Variants in MLLT1 observed in about 807,000 individuals in gnomAD.
MLLT1 encodes the protein protein ENL.
In MLLT1, 11 loss-of-function variants were observed where a neutral mutation model predicts 55.1. The observed-to-expected ratio is 0.20, with a 90% CI of 0.13 to 0.33. The LOEUF (loss-of-function observed/expected upper bound fraction) is 0.33, where lower values mean the gene tolerates loss of function less well. MLLT1 is among the 10% of genes least tolerant of loss of function. The pLI is 1.00. For missense variants in MLLT1, 536 were observed against 760.6 expected (o/e 0.70, Z 3.47); for synonymous variants, 323 against 320.1 (o/e 1.01, Z -0.10).
chr19:6,232,185 A>G (rs1347003484), intron 3 of MLLT1, among the ~76,000 whole-genome samples: 1 of 152,106 alleles, frequency 6.6e-6, no homozygotes, highest in Non-Finnish European at 1.5e-5. Context: ...GCAGTGAGCT[A>G]AGATTGCACC....
At chr19:6,213,524 C>T (rs2090802923) in intron 10 of MLLT1, 116 bp from the exon 11 acceptor site, 1 of 1,091,264 alleles carries the variant, frequency 9.2e-7, no homozygotes, top group East Asian at 2.4e-5. Context: ...GTAGCCACAT[C>T]CAAACCAAGG....
chr19:6,244,596 C>G (rs1043134270), intron 3 of MLLT1, among the ~76,000 whole-genome samples: 1 of 152,138 alleles, frequency 6.6e-6, no homozygotes, highest in South Asian at 2.1e-4. Flanking sequence ...AAATAAAAAA[C>G]GTTTGCTAGA....
At chr19:6,261,499 G>A (rs1032883387) in intron 3 of MLLT1, among the ~76,000 whole-genome samples, 2 of 152,122 alleles carry the variant, frequency 1.3e-5, no homozygotes, top group Non-Finnish European at 2.9e-5. Context: ...CCCCAGCGTT[G>A]CCTCCATGCC....
At position 6,213,417 on chromosome 19, in the gene MLLT1, G is replaced by C. The variant is rs373741076; in HGVS notation, c.1480-9C>G. On this transcript the variant is annotated splice_polypyrimidine_tract_variant and intron_variant, in intron 10 of 11. Coordinates refer to ENST00000252674, the MANE Select transcript of MLLT1 (RefSeq NM_005934.4). ...AGCTCATCCGTGTAGGCCTGGGGAG[G>C]GGGGGCAGGTCTCAGCAGCGTGTGG... is the stretch of plus-strand genomic sequence containing the variant. 3.9e-5 allele frequency: 63 copies of C among 1,610,022 alleles called. 1 individual carries two copies. In the African/African-American group the frequency reaches 4.0e-4, roughly 10 times the overall value.
intron 3 of MLLT1, among the ~76,000 whole-genome samples, chr19:6,251,118 C>T (rs1296567824): frequency 6.6e-6 from 1 of 152,150 alleles, no homozygotes; most frequent in African/African-American, 2.4e-5. Context: ...CAGCTGCTTA[C>T]TGGCACAAGG....
chr19:6,255,640 T>C (rs2091251346), intron 3 of MLLT1, among the ~76,000 whole-genome samples: 2 of 152,364 alleles, frequency 1.3e-5, no homozygotes, highest in South Asian at 2.1e-4. Context: ...GAAAACTTAA[T>C]ATTGTTAAGA....
chr19:6,262,273 C>T lies in MLLT1; in HGVS notation c.231G>A (p.Gly77=), dbSNP rs756846230. The T allele has an allele frequency of 4.3e-6, 7 of 1,613,826 alleles. No individual in the cohort carries two copies. Among genetic ancestry groups the T allele is most frequent in the Non-Finnish European group, 5.9e-6 (7 of 1,179,988 alleles). Residue 77 remains glycine, a synonymous_variant, in exon 3 of 12, where the codon GGG becomes GGA. Coordinates refer to ENST00000252674, the MANE Select transcript of MLLT1 (RefSeq NM_005934.4). The surrounding 1 kb of genome is among the most constrained non-coding windows in gnomAD (Gnocchi z 4.4). ...CGATGGGCATGATGAAGCCAGCGTA[C>T]CCCGACTCCTCTACTTTGTAGGGGG... ...KEPPYKVEES[G]YAGFIMPIEV...
rs75849562 is a variant in MLLT1 at position 6,216,263 on chromosome 19, C to A, written c.1307+142G>T. On this transcript the variant is annotated intron_variant, in intron 8 of 11. Coordinates refer to ENST00000252674, the MANE Select transcript of MLLT1 (RefSeq NM_005934.4). ...CCCAAGGCCCAGGCTGGACTGGGGC[C>A]ACCTGGGGATGGATCCCTGCTTTGG... 1,160 of 645,702 alleles carry A rather than the reference C, an allele frequency of 1.8e-3. 13 individuals carry two copies. In the African/African-American group the frequency reaches 0.019, roughly 11 times the overall value. The allele number at this position is 645,702 out of a possible 1,614,324, so 40.0% of individuals were successfully genotyped here.
Position 6,227,180 on chromosome 19 carries a change from G to C in MLLT1, c.421-78C>G. On this transcript the variant is annotated intron_variant, in intron 4 of 11. Transcript: ENST00000252674. This position sits in a 1 kb window ranked among gnomAD's most constrained non-coding sequence, Gnocchi z 5.1. ...ACACGGGCCGGGCTGAAGGTGGTGG[G>C]GCTTCCCTCTGCAGGAGGGGAGAAG... The C allele has an allele frequency of 6.8e-7, 1 of 1,461,106 alleles. No individual in the cohort carries two copies. Among genetic ancestry groups the C allele is most frequent in the Non-Finnish European group, 9.2e-7 (1 of 1,087,840 alleles). 90.5% of individuals were successfully genotyped at this position (1,461,106 alleles called of 1,614,324 possible). A position where few individuals can be genotyped will look rare whatever the true frequency, so the allele number is the denominator to read the frequency against.
chr19:6,256,979 T>A lies in MLLT1; in HGVS notation c.276+5249A>T, dbSNP rs1329626183. On this transcript the variant is annotated intron_variant, in intron 3 of 11. Transcript: ENST00000252674. The surrounding 1 kb of genome is among the most constrained non-coding windows in gnomAD (Gnocchi z 4.1). Reference sequence around the variant, plus strand: ...GTGCTGGGACACCTGGAAAACCACATGCAAAAGAATACTGTTAGACCCCCA... The same window carrying A: ...GTGCTGGGACACCTGGAAAACCACAAGCAAAAGAATACTGTTAGACCCCCA... Among the ~76,000 whole-genome samples, 2 of 152,266 alleles carry A rather than the reference T, an allele frequency of 1.3e-5. No homozygotes were observed. Among genetic ancestry groups the A allele is most frequent in the Admixed American group, 1.3e-4 (2 of 15,296 alleles).
Position 6,222,202 on chromosome 19 carries a change from G to A in MLLT1, c.1029C>T (p.Ala343=), listed in dbSNP as rs748959176. ...KSSTRGEKVK[A]ESEPREAKKA... is the part of the protein sequence containing the mutation. The stretch of plus-strand genomic sequence containing the variant: ...TTTTGGCCTCCCGGGGCTCACTCTC[G>A]GCCTTCACCTTCTCCCCTCTGGTGC... The change falls in exon 6 of 12, where the codon GCC becomes GCT. Residue 343 remains alanine, a synonymous_variant. Transcript: ENST00000252674. This position sits in a 1 kb window ranked among gnomAD's most constrained non-coding sequence, Gnocchi z 4.1. 6.8e-6 allele frequency: 11 copies of A among 1,606,722 alleles called. No homozygotes were observed. The highest frequency in any genetic ancestry group is 2.2e-5 in the East Asian group (1 of 44,552).
At chr19:6,275,828 A>G (rs892059) in intron 1 of MLLT1, among the ~76,000 whole-genome samples, 55,657 of 152,222 alleles carry the variant, frequency 0.37, 13,299 homozygotes, top group African/African-American at 0.68. Context: ...GGGTCTGCAG[A>G]TTCCTGGTAA....
chr19:6,217,329 C>T (rs887522828), intron 7 of MLLT1, among the ~76,000 whole-genome samples: 2 of 152,206 alleles, frequency 1.3e-5, no homozygotes, highest in Non-Finnish European at 2.9e-5. Context: ...GGAGTGGAAA[C>T]GCTTTTTGCC....
At chr19:6,236,933 G>A (rs2091067373) in intron 3 of MLLT1, among the ~76,000 whole-genome samples, 1 of 152,200 alleles carries the variant, frequency 6.6e-6, no homozygotes, top group African/African-American at 2.4e-5. Context: ...CGTGTTCTTG[G>A]GCCGGGCCAG....
rs2090776511 is a variant in MLLT1, at chr19:6,211,904, G to A, written c.*1138C>T. On this transcript the variant is annotated 3_prime_UTR_variant, in exon 12 of 12. Coordinates refer to ENST00000252674, the MANE Select transcript of MLLT1 (RefSeq NM_005934.4). The surrounding 1 kb of genome is among the most constrained non-coding windows in gnomAD (Gnocchi z 4.6). The stretch of plus-strand genomic sequence containing the variant: ...GAATTGCGGCGGTGGAGGCCGGGGC[G>A]GGCCAGGCCGCGACCAGAGAGAAAG... The A allele has an allele frequency of 3.3e-5, 35 of 1,064,698 alleles. No individual in the cohort carries two copies. The highest frequency in any genetic ancestry group is 5.0e-5 in the East Asian group (1 of 20,052). 66.0% of individuals were successfully genotyped at this position (1,064,698 alleles called of 1,614,324 possible). A position where few individuals can be genotyped will look rare whatever the true frequency, so the allele number is the denominator to read the frequency against.
At chr19:6,260,016 G>A (rs116954578) in intron 3 of MLLT1, among the ~76,000 whole-genome samples, 4,450 of 152,228 alleles carry the variant, frequency 0.029, 113 homozygotes, top group Non-Finnish European at 0.045. Context: ...GAAGGGCACC[G>A]AGGGAGCTGG....
intron 6 of MLLT1, among the ~76,000 whole-genome samples, chr19:6,220,426 G>A (rs893752481): frequency 1.4e-4 from 22 of 152,354 alleles, no homozygotes; most frequent in African/African-American, 4.3e-4. Flanking sequence ...CTCTTCTTCG[G>A]CCAGGAGGAA....
At chr19:6,242,550 T>C (rs2091125149) in intron 3 of MLLT1, among the ~76,000 whole-genome samples, 1 of 151,848 alleles carries the variant, frequency 6.6e-6, no homozygotes, top group Non-Finnish European at 1.5e-5. Flanking sequence ...AATAAACTTC[T>C]TTTTCACACT....
Position 6,222,379 on chromosome 19 carries a change from G to C in MLLT1, c.852C>G (p.Ser284Arg). The change falls in exon 6 of 12, where the codon AGC becomes AGG. Residue 284 changes from serine (S) to arginine (R), a missense_variant. Ser to Arg is a moderately radical substitution (Grantham distance 110, BLOSUM62 -1). Coordinates refer to ENST00000252674, the MANE Select transcript of MLLT1 (RefSeq NM_005934.4). This position sits in a 1 kb window ranked among gnomAD's most constrained non-coding sequence, Gnocchi z 4.1. ...GCGAGTCGGCGGTGGCCGGCCGCTTGCTGGAAGCCCGGGGTGGGGGTGGGG... is the reference window on the plus strand; with the variant it reads ...GCGAGTCGGCGGTGGCCGGCCGCTTCCTGGAAGCCCGGGGTGGGGGTGGGG... ...PPPPPPPRAS[S>R]KRPATADSPK... The C allele has an allele frequency of 1.1e-6, 1 of 947,540 alleles. No individual in the cohort carries two copies. The highest frequency in any genetic ancestry group is 1.4e-6 in the Non-Finnish European group (1 of 722,232). The allele number at this position is 947,540 out of a possible 1,614,324, so 58.7% of individuals were successfully genotyped here. A position where few individuals can be genotyped will look rare whatever the true frequency, so the allele number is the denominator to read the frequency against.
Sources: gnomAD v4.1 joint callset for allele counts (sites outside exome capture counted in the v4.1 genomes callset) on GRCh38, gnomAD v4.1.1 for gene constraint, Gnocchi (gnomAD v3.1) non-coding constraint, MANE v1.5 for transcripts, NCBI Gene and HGNC (gene_info 2026-07-23, HGNC 2026-07-21) for gene names.